The following MPP7 variants were observed in gnomAD, a reference collection of about 807,000 sequenced individuals.
The protein encoded by MPP7 is MAGUK p55 scaffold protein 7.
A neutral mutation model predicts 76.5 loss-of-function variants in MPP7; 60 were observed. The ratio of observed to expected loss-of-function variants is 0.78; its 90% CI spans 0.64 to 0.97. The LOEUF is 0.97. Among genes scored for constraint, MPP7 ranks in the 50% least tolerant of loss-of-function variants. The probability of loss-of-function intolerance (pLI) is 0.00; values close to 1 mark genes in which losing one functional copy is unlikely to be tolerated. For missense variants in MPP7, 641 were observed against 694.0 expected (o/e 0.92, Z 0.86); for synonymous variants, 237 against 244.5 (o/e 0.97, Z 0.29).
intron 11 of MPP7, chr10:28,118,583 A>C (rs1194159355): frequency 7.1e-6 from 7 of 985,406 alleles, no homozygotes; most frequent in Non-Finnish European, 8.4e-6. Context: ...CACGCTTAAG[A>C]ACAGTGCAAT....
chr10:28,226,155 T>C (rs1380363379), intron 2 of MPP7, among the ~76,000 whole-genome samples: 1 of 152,168 alleles, frequency 6.6e-6, no homozygotes, highest in Non-Finnish European at 1.5e-5. Context: ...GCAAATACTC[T>C]ATGATTCCAC....
chr10:28,091,590 AG>A (rs1366348662), intron 11 of MPP7, among the ~76,000 whole-genome samples: 2 of 152,184 alleles, frequency 1.3e-5, no homozygotes, highest in East Asian at 1.9e-4. Flanking sequence ...GACCAGCCAT[AG>A]ATATCTTTTT....
At chr10:28,056,865 G>A (rs1851577378) in intron 15 of MPP7, among the ~76,000 whole-genome samples, 1 of 152,162 alleles carries the variant, frequency 6.6e-6, no homozygotes, top group Non-Finnish European at 1.5e-5. Context: ...GAACAGAAGT[G>A]ACTAAAAATA....
intron 3 of MPP7, among the ~76,000 whole-genome samples, chr10:28,184,471 G>T (rs755993503): frequency 6.7e-6 from 1 of 149,276 alleles, no homozygotes; most frequent in Non-Finnish European, 1.5e-5. Flanking sequence ...CACTTTGAGA[G>T]GCCGAGGTGG....
intron 2 of MPP7, among the ~76,000 whole-genome samples, chr10:28,317,771 C>T (rs1308427193): frequency 6.6e-6 from 1 of 152,174 alleles, no homozygotes; most frequent in African/African-American, 2.4e-5. Context: ...GTCACGATTT[C>T]AGGGTGGCCG....
intron 3 of MPP7, among the ~76,000 whole-genome samples, chr10:28,176,399 C>G (rs1836862267): frequency 6.6e-6 from 1 of 151,980 alleles, no homozygotes; most frequent in African/African-American, 2.4e-5. Context: ...TGAAGGCACT[C>G]CCAATGGCCA....
At chr10:28,241,965 C>T (rs1239104819) in intron 1 of MPP7, among the ~76,000 whole-genome samples, 1 of 152,134 alleles carries the variant, frequency 6.6e-6, no homozygotes, top group African/African-American at 2.4e-5. Flanking sequence ...ACTCTTAATG[C>T]TCCCGTGGCA....
chr10:28,229,372 T>C (rs1275337136), intron 2 of MPP7, among the ~76,000 whole-genome samples: 1 of 152,244 alleles, frequency 6.6e-6, no homozygotes, highest in Non-Finnish European at 1.5e-5. Flanking sequence ...TAGCGTTATG[T>C]GCTTGGTAAA....
At chr10:28,092,843 G>A (rs746642015) in intron 11 of MPP7, among the ~76,000 whole-genome samples, 10 of 145,326 alleles carry the variant, frequency 6.9e-5, no homozygotes, top group Middle Eastern at 3.8e-3. Context: ...GCCTCCAAAA[G>A]TGCTGGGATT....
intron 1 of MPP7, chr10:28,254,949 T>A (rs1437602621): frequency 2.0e-5 from 3 of 152,054 alleles, no homozygotes; most frequent in Non-Finnish European, 4.4e-5. Context: ...GATGTGAAAA[T>A]GATGACATAA....
intron 11 of MPP7, chr10:28,118,159 T>C (rs1834717046): frequency 1.2e-5 from 12 of 984,842 alleles, no homozygotes; most frequent in Non-Finnish European, 1.4e-5. Context: ...TTACAATTAA[T>C]ACTTCTACAT....
chr10:28,081,288 C>T (rs1345460741), intron 12 of MPP7, among the ~76,000 whole-genome samples: 5 of 152,130 alleles, frequency 3.3e-5, no homozygotes, highest in Non-Finnish European at 7.3e-5. Flanking sequence ...AAGTCTTCTC[C>T]CTGCTCCCTC....
intron 1 of MPP7, among the ~76,000 whole-genome samples, chr10:28,288,571 A>G (rs1840839407): frequency 6.6e-6 from 1 of 152,132 alleles, no homozygotes; most frequent in Admixed American, 6.5e-5. Context: ...ATTCATAAAT[A>G]CTCTAAAATT....
In MPP7 at chr10:28,058,662, A is replaced by C. The variant is rs1158352011; in HGVS notation, c.1299-59T>G. The C allele has an allele frequency of 9.6e-6, 9 of 939,598 alleles. 1 individual carries two copies. The highest frequency in any genetic ancestry group is 1.4e-5 in the Non-Finnish European group (9 of 631,538). The allele number at this position is 939,598 out of a possible 1,614,324, so 58.2% of individuals were successfully genotyped here. On this transcript the variant is annotated intron_variant, in intron 14 of 16. Coordinates refer to ENST00000683449, the MANE Select transcript of MPP7 (RefSeq NM_001318170.2). ...GAATTTAAAACAATTATAGGTGGCA[A>C]GATAAAATTCATAGGTAAAAGACGT...
At chr10:28,168,603 T>C (rs149038269) in intron 3 of MPP7, among the ~76,000 whole-genome samples, 20,200 of 151,930 alleles carry the variant, frequency 0.13, 2,036 homozygotes, top group African/African-American at 0.28. Context: ...ACTGCAAGCT[T>C]CGCCTCCCGG....
intron 1 of MPP7, among the ~76,000 whole-genome samples, chr10:28,289,002 C>T (rs1840850062): frequency 6.6e-6 from 1 of 151,924 alleles, no homozygotes; most frequent in African/African-American, 2.4e-5. Context: ...ATTCTGGTCT[C>T]AAAAATAGCT....
intron 3 of MPP7, among the ~76,000 whole-genome samples, chr10:28,198,356 C>A (rs968826590): frequency 1.3e-5 from 2 of 152,110 alleles, no homozygotes; most frequent in African/African-American, 4.8e-5. Context: ...GCAGGTGGAT[C>A]CCTTAGGTCA....
chr10:28,333,682 T>G (rs1424754192), intron 1 of MPP7, among the ~76,000 whole-genome samples: 3 of 152,234 alleles, frequency 2.0e-5, no homozygotes, highest in African/African-American at 4.8e-5. Context: ...AATGTAACTT[T>G]TTCAAGTATT....
intron 15 of MPP7, among the ~76,000 whole-genome samples, chr10:28,057,477 T>G (rs1275731698): frequency 6.6e-6 from 1 of 152,090 alleles, no homozygotes; most frequent in Non-Finnish European, 1.5e-5. Flanking sequence ...TCTGGCCATG[T>G]GAAGTGCTCA....
Sources: gnomAD v4.1 joint callset for allele counts (sites outside exome capture counted in the v4.1 genomes callset) on GRCh38, gnomAD v4.1.1 for gene constraint, MANE v1.5 for transcripts, NCBI Gene and HGNC (gene_info 2026-07-23, HGNC 2026-07-21) for gene names.